The following NOX4 variants were observed in gnomAD, a reference collection of about 807,000 sequenced individuals.
NOX4 encodes the protein kidney oxidase-1.
Under a neutral mutation model 87.6 loss-of-function variants are expected in NOX4, and 69 were observed. That is an observed-to-expected ratio of 0.79 (90% confidence interval 0.65 to 0.96). NOX4 has a LOEUF of 0.96. NOX4 is among the 40% of genes least tolerant of loss of function. NOX4 has a pLI of 0.00. For synonymous variants in NOX4, 275 were observed against 238.2 expected (o/e 1.15, Z -1.42); for missense variants, 680 against 681.5 (o/e 1.00, Z 0.02).
chr11:89,567,966 G>C, the NOX4 span, among the ~76,000 whole-genome samples: 2 of 152,208 alleles, frequency 1.3e-5, no homozygotes, highest in Non-Finnish European at 2.9e-5. Context: ...CCACTATCCT[G>C]ATGAAGTGCT....
In NOX4 at chr11:89,461,382, C is replaced by T. The variant is rs79672206; in HGVS notation, c.154-9487G>A. ...AAATAAGGCCAGGTGCGGTGGGTTA[C>T]GCCTGTAATCCCAGCACTTTGGGAG... is the stretch of plus-strand genomic sequence containing the variant. On this transcript the variant is annotated intron_variant, in intron 2 of 17. Coordinates refer to ENST00000263317, the MANE Select transcript of NOX4 (RefSeq NM_016931.5). Among the ~76,000 whole-genome samples the T allele has an allele frequency of 1.8e-4, 28 of 151,862 alleles. No homozygotes were observed. The East Asian group carries it at 4.3e-3, about 23-fold the overall frequency.
intron 4 of NOX4, among the ~76,000 whole-genome samples, chr11:89,444,630 T>G: frequency 6.6e-6 from 1 of 152,034 alleles, no homozygotes; most frequent in East Asian, 1.9e-4. Context: ...ATCTTTCACC[T>G]CTTCCATAGT....
At chr11:89,564,725 T>G in the NOX4 span, among the ~76,000 whole-genome samples, 22 of 150,072 alleles carry the variant, frequency 1.5e-4, no homozygotes, top group East Asian at 3.4e-3. Flanking sequence ...GGAGGAGTTT[T>G]TTGTTGTTGT....
chr11:89,527,216 G>A, the NOX4 span, among the ~76,000 whole-genome samples: 1 of 152,134 alleles, frequency 6.6e-6, no homozygotes, highest in Admixed American at 6.5e-5. Flanking sequence ...GAGATGATTT[G>A]GGTGCTCTTA....
rs532019808 is a variant in NOX4 at position 89,451,807 on chromosome 11, G to C, written c.242C>G (p.Ala81Gly). The C allele has an allele frequency of 6.2e-7, 1 of 1,612,536 alleles. No homozygotes were observed. The highest frequency in any genetic ancestry group is 1.7e-5 in the Admixed American group (1 of 59,956). Residue 81 changes from alanine to glycine, a missense_variant, in exon 3 of 18, where the codon GCT becomes GGT. Transcript: ENST00000263317. ...TACCTTCTGTGATCCTCGGAGGTAA[G>C]CCAAGAGTGTTCGGCACATGGGTAA... ...ILLPMCRTLL[A>G]YLRGSQKVPS...
At chr11:89,361,649 G>T (rs1938534891) in intron 12 of NOX4, among the ~76,000 whole-genome samples, 1 of 152,116 alleles carries the variant, frequency 6.6e-6, no homozygotes, top group South Asian at 2.1e-4. Context: ...GGAATGAAAA[G>T]AAATCTTAAT....
chr11:89,379,922 T>C (rs1233469308), intron 11 of NOX4, among the ~76,000 whole-genome samples: 3 of 152,176 alleles, frequency 2.0e-5, no homozygotes, highest in Non-Finnish European at 4.4e-5. Flanking sequence ...CCTCATCTAC[T>C]CTTAACACAG....
upstream of NOX4, chr11:89,498,665 G>T (rs1946985483): frequency 6.6e-6 from 1 of 152,198 alleles, no homozygotes; most frequent in Non-Finnish European, 1.5e-5. Flanking sequence ...AGGAAGAAAA[G>T]AATTCGGCAG....
At chr11:89,386,289 C>A (rs994712201) in intron 11 of NOX4, among the ~76,000 whole-genome samples, 34 of 152,264 alleles carry the variant, frequency 2.2e-4, no homozygotes, top group African/African-American at 7.7e-4. Context: ...TAGTCAAACT[C>A]CTATTCATCA....
At chr11:89,575,676 C>A in the NOX4 span, among the ~76,000 whole-genome samples, 2,164 of 152,132 alleles carry the variant, frequency 0.014, 41 homozygotes, top group African/African-American at 0.045. Context: ...TACTTCCTTT[C>A]TTTCCCTTTT....
the NOX4 span, among the ~76,000 whole-genome samples, chr11:89,563,025 T>TG: frequency 6.6e-6 from 1 of 152,164 alleles, no homozygotes; most frequent in African/African-American, 2.4e-5. Context: ...TGCTGCCTTG[T>TG]GAAAAAGGTG....
At chr11:89,574,416 A>C in the NOX4 span, among the ~76,000 whole-genome samples, 1 of 152,228 alleles carries the variant, frequency 6.6e-6, no homozygotes, top group African/African-American at 2.4e-5. Context: ...GATTCCAAAA[A>C]GCAGGCTCTT....
At chr11:89,540,181 A>G in the NOX4 span, among the ~76,000 whole-genome samples, 1 of 152,312 alleles carries the variant, frequency 6.6e-6, no homozygotes, top group South Asian at 2.1e-4. Context: ...CAAAAAAGAG[A>G]AAAAGAAGCC....
At chr11:89,350,931 T>G (rs927458905) in intron 13 of NOX4, among the ~76,000 whole-genome samples, 6 of 152,166 alleles carry the variant, frequency 3.9e-5, no homozygotes, top group Non-Finnish European at 7.4e-5. Context: ...AAGTTTCAAG[T>G]GAAAGGAGAG....
chr11:89,344,458 G>C (rs1377012605), intron 13 of NOX4, among the ~76,000 whole-genome samples: 1 of 152,162 alleles, frequency 6.6e-6, no homozygotes, highest in African/African-American at 2.4e-5. Context: ...GCTGAGGCAG[G>C]AGGATGGCTT....
chr11:89,370,343 G>T (rs969688503), intron 12 of NOX4, among the ~76,000 whole-genome samples: 1 of 151,554 alleles, frequency 6.6e-6, no homozygotes, highest in Non-Finnish European at 1.5e-5. Context: ...AGGGATCAAT[G>T]GCAGAAAGTT....
the NOX4 span, among the ~76,000 whole-genome samples, chr11:89,511,514 G>T: frequency 6.6e-6 from 1 of 151,670 alleles, no homozygotes; most frequent in Non-Finnish European, 1.5e-5. Context: ...TTACTGGTGG[G>T]GTATTACATA....
intron 12 of NOX4, among the ~76,000 whole-genome samples, chr11:89,366,640 A>G (rs1396209411): frequency 6.6e-6 from 1 of 151,048 alleles, no homozygotes; most frequent in Admixed American, 6.6e-5. Flanking sequence ...GTGAGCCATG[A>G]CCATATCACT....
intron 2 of NOX4, among the ~76,000 whole-genome samples, chr11:89,473,157 T>A (rs2135448443): frequency 1.3e-5 from 2 of 152,326 alleles, no homozygotes; most frequent in African/African-American, 4.8e-5. Context: ...TGATTTTATG[T>A]CACTCTTACA....
Sources: gnomAD v4.1 joint callset for allele counts (sites outside exome capture counted in the v4.1 genomes callset) on GRCh38, gnomAD v4.1.1 for gene constraint, MANE v1.5 for transcripts, NCBI Gene and HGNC (gene_info 2026-07-23, HGNC 2026-07-21) for gene names.